The following UNC79 variants were observed in gnomAD, a reference collection of about 807,000 sequenced individuals.
UNC79 encodes the protein unc-79 subunit of NALCN channel complex.
Under a neutral mutation model 283.1 loss-of-function variants are expected in UNC79, and 37 were observed. The ratio of observed to expected loss-of-function variants is 0.13; its 90% CI spans 0.10 to 0.17. The LOEUF (loss-of-function observed/expected upper bound fraction) is 0.17, where lower values mean the gene tolerates loss of function less well. Among genes scored for constraint, UNC79 ranks in the 10% least tolerant of loss-of-function variants. The probability of loss-of-function intolerance (pLI) is 1.00; values close to 1 mark genes in which losing one functional copy is unlikely to be tolerated. For synonymous variants in UNC79, 1,107 were observed against 1,200.2 expected, an observed-to-expected ratio of 0.92 and a Z score of 1.61; for missense variants, 2,272 against 3,211.1, an observed-to-expected ratio of 0.71 and a Z score of 7.07.
chr14:93,474,297 C>A lies in UNC79; in HGVS notation c.352C>A (p.Gln118Lys). 6.5e-7 allele frequency: 1 copy of A among 1,536,084 alleles called. No homozygotes were observed. Among genetic ancestry groups the A allele is most frequent in the South Asian group, 1.2e-5 (1 of 84,050 alleles). Reference sequence around the variant, plus strand: ...ACGCGGCCCGCAAAGTCGTGATGCTCAGTTGTCAGACTACCCTTCTTTGGA... The same window carrying A: ...ACGCGGCCCGCAAAGTCGTGATGCTAAGTTGTCAGACTACCCTTCTTTGGA... Residue 118 changes from glutamine (Q) to lysine (K), a missense_variant, in exon 3 of 49, where the codon CAG becomes AAG. This residue lies in a region of UNC79 where 194 missense variants were observed against 268.9 expected (regional missense o/e 0.72). Transcript: ENST00000555664. This position sits in a 1 kb window ranked among gnomAD's most constrained non-coding sequence, Gnocchi z 4.1.
chr14:93,543,772 TA>T (rs2061481916), intron 14 of UNC79, among the ~76,000 whole-genome samples: 2 of 152,212 alleles, frequency 1.3e-5, no homozygotes, highest in African/African-American at 4.8e-5. Flanking sequence ...AAGTGTTTTC[TA>T]AGTGTTATTT....
At chr14:93,648,447 C>A (rs562608077) in intron 35 of UNC79, among the ~76,000 whole-genome samples, 3 of 152,160 alleles carry the variant, frequency 2.0e-5, no homozygotes, top group African/African-American at 7.2e-5. Flanking sequence ...GAGGCAGCCA[C>A]ATTAAGGATA....
intron 1 of UNC79, among the ~76,000 whole-genome samples, chr14:93,462,233 G>A (rs976690505): frequency 6.6e-6 from 1 of 152,224 alleles, no homozygotes; most frequent in African/African-American, 2.4e-5. Context: ...GTGAGCCTGG[G>A]AGGTGGAGGT....
At chr14:93,577,633 C>T (rs1367779252) in intron 17 of UNC79, among the ~76,000 whole-genome samples, 1 of 152,130 alleles carries the variant, frequency 6.6e-6, no homozygotes, top group Non-Finnish European at 1.5e-5. Flanking sequence ...GTTGATGTCA[C>T]TTCCTGACAA....
At chr14:93,562,672 A>G (rs1306190754) in intron 14 of UNC79, among the ~76,000 whole-genome samples, 1 of 152,116 alleles carries the variant, frequency 6.6e-6, no homozygotes, top group Admixed American at 6.5e-5. Flanking sequence ...TGATTTGACT[A>G]GTAAAGGCCG....
At chr14:93,498,366 A>G (rs1384125827) in intron 7 of UNC79, among the ~76,000 whole-genome samples, 1 of 151,992 alleles carries the variant, frequency 6.6e-6, no homozygotes, top group Non-Finnish European at 1.5e-5. Context: ...AGGCGGGTGG[A>G]TCACAAGGTC....
intron 1 of UNC79, among the ~76,000 whole-genome samples, chr14:93,366,038 T>G (rs2054323669): frequency 6.6e-6 from 1 of 152,194 alleles, no homozygotes. Flanking sequence ...TAATCACATC[T>G]TTTATTGTAG....
intron 1 of UNC79, among the ~76,000 whole-genome samples, chr14:93,357,389 C>T (rs1168035585): frequency 6.6e-6 from 1 of 152,018 alleles, no homozygotes; most frequent in East Asian, 1.9e-4. Context: ...ATTAACATTT[C>T]AGTCAGTGGG....
At chr14:93,357,703 A>G (rs1416673467) in intron 1 of UNC79, among the ~76,000 whole-genome samples, 16 of 125,276 alleles carry the variant, frequency 1.3e-4, no homozygotes, top group African/African-American at 4.9e-4. Flanking sequence ...ATATATATAT[A>G]TATATATATA....
chr14:93,526,229 C>T (rs2060541065), intron 8 of UNC79, among the ~76,000 whole-genome samples: 2 of 152,250 alleles, frequency 1.3e-5, no homozygotes, highest in South Asian at 2.1e-4. Context: ...GTGCTGGGGC[C>T]ATTTTTGCAC....
chr14:93,376,178 A>C (rs1486828281), intron 1 of UNC79, among the ~76,000 whole-genome samples: 1 of 152,216 alleles, frequency 6.6e-6, no homozygotes, highest in African/African-American at 2.4e-5. Flanking sequence ...CAAGGTGTTT[A>C]AGTTTCTAAG....
chr14:93,349,483 T>G (rs1005232889), intron 1 of UNC79, among the ~76,000 whole-genome samples: 5 of 152,064 alleles, frequency 3.3e-5, no homozygotes, highest in Non-Finnish European at 7.4e-5. Flanking sequence ...GGATGTTGCC[T>G]AAGTTTCATT....
downstream of UNC79, chr14:93,707,141 C>A: frequency 4.8e-6 from 2 of 417,606 alleles, no homozygotes; most frequent in Admixed American, 8.1e-5. Context: ...TTTTAAAAAC[C>A]AAATCATTTT....
intron 31 of UNC79, among the ~76,000 whole-genome samples, chr14:93,634,205 A>G (rs922847757): frequency 6.6e-6 from 1 of 152,182 alleles, no homozygotes; most frequent in African/African-American, 2.4e-5. Flanking sequence ...TTTGTCTTAA[A>G]TCATTTTTGA....
intron 19 of UNC79, 115 bp from the exon 20 acceptor site, chr14:93,582,088 G>T: frequency 6.5e-7 from 1 of 1,535,528 alleles, no homozygotes; most frequent in Non-Finnish European, 8.9e-7. Flanking sequence ...TCTGGCCTCA[G>T]CAGCATGGGA....
At chr14:93,403,003 G>C (rs2055143143) in intron 1 of UNC79, among the ~76,000 whole-genome samples, 1 of 152,176 alleles carries the variant, frequency 6.6e-6, no homozygotes, top group African/African-American at 2.4e-5. Context: ...CATTGGTTCT[G>C]TCTAGAAAGT....
At chr14:93,669,607 G>A (rs1157588256) in intron 40 of UNC79, among the ~76,000 whole-genome samples, 2 of 152,148 alleles carry the variant, frequency 1.3e-5, no homozygotes, top group Non-Finnish European at 2.9e-5. Flanking sequence ...GTAGCCCAAT[G>A]TAAAATATTA....
At chr14:93,466,044 T>C (rs1257386014) in intron 1 of UNC79, among the ~76,000 whole-genome samples, 1 of 152,216 alleles carries the variant, frequency 6.6e-6, no homozygotes, top group East Asian at 1.9e-4. Flanking sequence ...TCAAACTGTT[T>C]TCAAGTATCA....
intron 1 of UNC79, among the ~76,000 whole-genome samples, chr14:93,431,699 A>G (rs992061797): frequency 2.0e-5 from 3 of 152,234 alleles, no homozygotes; most frequent in African/African-American, 7.2e-5. Context: ...TTATTGTTCC[A>G]AAGAGCAGGC....
Sources: allele counts gnomAD v4.1 joint callset (sites outside exome capture counted in the v4.1 genomes callset), GRCh38; gene constraint gnomAD v4.1.1; regional missense constraint gnomAD v4.1.1; non-coding constraint Gnocchi (gnomAD v3.1); transcripts MANE v1.5; gene names NCBI Gene and HGNC (gene_info 2026-07-23, HGNC 2026-07-21).